The following LYVE1 variants were observed in gnomAD, a reference collection of about 807,000 sequenced individuals.
The protein encoded by LYVE1 is lymphatic vessel endothelial hyaluronan receptor 1.
LYVE1 carries 29 observed loss-of-function variants against 31.5 expected under a neutral mutation model. The observed-to-expected ratio is 0.92, with a 90% CI of 0.69 to 1.26. The LOEUF (loss-of-function observed/expected upper bound fraction) is 1.26. Ranked by LOEUF, LYVE1 falls within the 50% of genes most tolerant of loss-of-function variation. The pLI, the probability that LYVE1 is intolerant of heterozygous loss-of-function variation, is 0.00. For synonymous variants in LYVE1, 134 were observed against 139.4 expected, an observed-to-expected ratio of 0.96 and a Z score of 0.27; for missense variants, 376 against 380.2, an observed-to-expected ratio of 0.99 and a Z score of 0.09.
Position 10,557,615 on chromosome 11 carries a change from TGAAATGGATG to T in LYVE1, c.*1486_*1495del, listed in dbSNP as rs1294774177. 2.0e-5 allele frequency: 3 copies of T among 152,340 alleles called. No individual in the cohort carries two copies. In the South Asian group the frequency reaches 6.2e-4, roughly 32 times the overall value. 9.4% of individuals were successfully genotyped at this position (152,340 alleles called of 1,614,324 possible). ...GGATCTCTGGCTCCCTGGTGAATTC[TGAAATGGATG>T]GAAATGGAGGGCCAGCATCTCTAGT... On this transcript the variant is annotated 3_prime_UTR_variant, in exon 6 of 6. Transcript: ENST00000256178.
chr11:10,559,785 T>A (rs960163171), intron 5 of LYVE1, 31 bp downstream of exon 5: 1 of 1,596,458 alleles, frequency 6.3e-7, no homozygotes, highest in African/African-American at 1.3e-5. Flanking sequence ...TGACAAAGAT[T>A]ACAAGACTAG....
chr11:10,567,400 G>T (rs1045537418), intron 1 of LYVE1, among the ~76,000 whole-genome samples: 25 of 152,188 alleles, frequency 1.6e-4, no homozygotes, highest in Non-Finnish European at 3.5e-4. Context: ...TTGAATAATG[G>T]CAGCATTGTG....
chr11:10,560,601 CAATTTTTTTCTCCGTGG>C lies in LYVE1; in HGVS notation c.580_596del (p.Pro194AspfsTer11). The C allele has an allele frequency of 1.2e-6, 2 of 1,614,050 alleles. No individual in the cohort carries two copies. Among genetic ancestry groups the C allele is most frequent in the Non-Finnish European group, 1.7e-6 (2 of 1,179,986 alleles). On this transcript the variant is annotated frameshift_variant, in exon 4 of 6. Coordinates refer to ENST00000256178, the MANE Select transcript of LYVE1 (RefSeq NM_006691.4). LOFTEE classifies it high-confidence loss of function. ...CCATAAAAACTTCTGTGACACAAATCAATTTTTTTCTCCGTGGAATAGAAGTGGAAGCTGGAGCAGGA... is the reference window on the plus strand; with the variant it reads ...CCATAAAAACTTCTGTGACACAAATCAATAGAAGTGGAAGCTGGAGCAGGA...
intron 1 of LYVE1, among the ~76,000 whole-genome samples, 198 bp downstream of exon 1, chr11:10,568,250 C>G (rs1450165655): frequency 1.3e-5 from 2 of 152,160 alleles, no homozygotes; most frequent in Admixed American, 6.5e-5. Context: ...AGTAAAAGTC[C>G]AGATGATACA....
rs147714545 is a variant in LYVE1, at chr11:10,559,169, G to C, written c.911C>G (p.Pro304Arg). Residue 304 changes from proline to arginine, a missense_variant, in exon 6 of 6, where the codon CCA becomes CGA. Pro to Arg is a moderately radical substitution (Grantham distance 103). Coordinates refer to ENST00000256178, the MANE Select transcript of LYVE1 (RefSeq NM_006691.4). ...NEESKKTDKN[P>R]EESKSPSKTT... ...TTTGCTTGGACTCTTGGACTCTTCT[G>C]GGTTTTTATCAGTTTTCTTTGATTC... is the stretch of plus-strand genomic sequence containing the variant. 2.5e-4 allele frequency: 400 copies of C among 1,613,938 alleles called. No homozygotes were observed. The highest frequency in any genetic ancestry group is 3.0e-4 in the Non-Finnish European group (356 of 1,179,988).
At chr11:10,561,150 C>T (rs1404563574) in intron 3 of LYVE1, among the ~76,000 whole-genome samples, 1 of 152,190 alleles carries the variant, frequency 6.6e-6, no homozygotes, top group Non-Finnish European at 1.5e-5. Context: ...CTTTGCCTCT[C>T]TTTATTTAGC....
At chr11:10,566,318 C>T (rs1019976749) in intron 1 of LYVE1, among the ~76,000 whole-genome samples, 1 of 152,084 alleles carries the variant, frequency 6.6e-6, no homozygotes, top group African/African-American at 2.4e-5. Flanking sequence ...CCATGTTGGC[C>T]AGGCTGGTCT....
chr11:10,563,023 G>A (rs183306071), intron 3 of LYVE1, among the ~76,000 whole-genome samples: 4 of 120,516 alleles, frequency 3.3e-5, no homozygotes, highest in African/African-American at 1.2e-4. Flanking sequence ...GCATGATCTT[G>A]GCTCACTGCA....
intron 1 of LYVE1, among the ~76,000 whole-genome samples, chr11:10,566,141 G>A (rs1287045996): frequency 1.4e-5 from 2 of 147,180 alleles, no homozygotes; most frequent in African/African-American, 2.5e-5. Flanking sequence ...ACAGAGTCTC[G>A]TTCTGTCACC....
chr11:10,557,638 C>G lies in LYVE1; in HGVS notation c.*1473G>C, dbSNP rs1850340786. The G allele has an allele frequency of 6.6e-6, 1 of 152,198 alleles. No homozygotes were observed. The highest frequency in any genetic ancestry group is 1.5e-5 in the Non-Finnish European group (1 of 68,044). 9.4% of individuals were successfully genotyped at this position (152,198 alleles called of 1,614,324 possible). A position where few individuals can be genotyped will look rare whatever the true frequency, so the allele number is the denominator to read the frequency against. On this transcript the variant is annotated 3_prime_UTR_variant, in exon 6 of 6. Transcript: ENST00000256178. The stretch of plus-strand genomic sequence containing the variant: ...TCTGAAATGGATGGAAATGGAGGGC[C>G]AGCATCTCTAGTAAAGGACTGTTTA...
Position 10,560,920 on chromosome 11 carries a change from C to A in LYVE1, c.398-120G>T, listed in dbSNP as rs567900396. 3.1e-4 allele frequency: 237 copies of A among 753,428 alleles called. 1 individual carries two copies. The African/African-American group carries it at 3.8e-3, about 12-fold the overall frequency. 46.7% of individuals were successfully genotyped at this position (753,428 alleles called of 1,614,324 possible). A position where few individuals can be genotyped will look rare whatever the true frequency, so the allele number is the denominator to read the frequency against. ...CGCAGCTGGAATGGTCTTTAAAAAG[C>A]AAATCTAACCATATCACTTTCTTCC... On this transcript the variant is annotated intron_variant, in intron 3 of 5. Transcript: ENST00000256178.
In LYVE1 at chr11:10,559,288, C is replaced by T. The variant is rs752332574; in HGVS notation, c.792G>A (p.Lys264=). The T allele has an allele frequency of 2.4e-5, 38 of 1,612,822 alleles. No homozygotes were observed. The East Asian group carries it at 8.5e-4, about 36-fold the overall frequency. The change falls in exon 6 of 6, where the codon AAG becomes AAA. Residue 264 remains lysine (K), a synonymous_variant. Transcript: ENST00000256178. The part of the protein sequence containing the change: ...LGFCYVKRYV[K]AFPFTNKNQQ... ...GATTCTTGTTTGTAAAAGGGAAGGC[C>T]TTCACATACCTTTAGGCAGAAACAT...
rs562693326 is a variant in LYVE1, at chr11:10,567,723, G to A, written c.85+725C>T. Among the ~76,000 whole-genome samples, 6 of 152,234 alleles carry A rather than the reference G, an allele frequency of 3.9e-5. No individual in the cohort carries two copies. The East Asian group carries it at 5.8e-4, about 15-fold the overall frequency. Reference sequence around the variant, plus strand: ...CATTTAGGCATCTCAAAAGCCCAGCGATCACTTTAAGTCATTCCTTTAGTA... The same window carrying A: ...CATTTAGGCATCTCAAAAGCCCAGCAATCACTTTAAGTCATTCCTTTAGTA... On this transcript the variant is annotated intron_variant, in intron 1 of 5. Coordinates refer to ENST00000256178, the MANE Select transcript of LYVE1 (RefSeq NM_006691.4).
chr11:10,562,432 C>T (rs896055592), intron 3 of LYVE1, among the ~76,000 whole-genome samples: 1 of 152,232 alleles, frequency 6.6e-6, no homozygotes. Flanking sequence ...TGTGCCAAAG[C>T]CCTCTGGATC....
At chr11:10,560,855 C>A in intron 3 of LYVE1, 55 bp from the exon 4 acceptor site, 1 of 1,405,348 alleles carries the variant, frequency 7.1e-7, no homozygotes, top group Non-Finnish European at 9.9e-7. Flanking sequence ...CCTAACTGTT[C>A]TTCTTGCCTC....
At chr11:10,568,354 G>C (rs769387597) in intron 1 of LYVE1, 94 bp downstream of exon 1, 8 of 1,289,346 alleles carry the variant, frequency 6.2e-6, no homozygotes, top group Non-Finnish European at 8.7e-6. Context: ...TTGACACTGA[G>C]GGTCACCCTC....
rs1448655715 is a variant in LYVE1, at chr11:10,564,203, C to T, written c.257G>A (p.Ser86Asn). ...TALKASFETCSYGWVGDGFVV... is the reference protein window; with the variant it reads ...TALKASFETCNYGWVGDGFVV... Reference sequence around the variant, plus strand: ...GACAGTGAAACCAGCTTTTTCTCACCTGCAAGTTTCAAAGCTAGCTTTCAA... The same window carrying T: ...GACAGTGAAACCAGCTTTTTCTCACTTGCAAGTTTCAAAGCTAGCTTTCAA... Residue 86 changes from serine (S) to asparagine (N), a missense_variant and splice_region_variant, in exon 2 of 6, where the codon AGC (serine) becomes AAC (asparagine). Ser to Asn is a conservative substitution (Grantham distance 46). Coordinates refer to ENST00000256178, the MANE Select transcript of LYVE1 (RefSeq NM_006691.4). 6.2e-7 allele frequency: 1 copy of T among 1,613,894 alleles called. No homozygotes were observed. The highest frequency in any genetic ancestry group is 2.2e-5 in the East Asian group (1 of 44,880).
chr11:10,561,531 A>G (rs756970690), intron 3 of LYVE1, among the ~76,000 whole-genome samples: 44 of 152,220 alleles, frequency 2.9e-4, no homozygotes, highest in Non-Finnish European at 4.7e-4. Context: ...GGACCAGGAG[A>G]GGGATAAGGG....
chr11:10,559,493 C>A (rs1025712179), intron 5 of LYVE1, among the ~76,000 whole-genome samples, 196 bp from the exon 6 acceptor site: 11 of 152,102 alleles, frequency 7.2e-5, no homozygotes, highest in African/African-American at 2.4e-4. Flanking sequence ...TGTTTGCAGG[C>A]CAGACTTTAG....
Sources: allele counts gnomAD v4.1 joint callset (sites outside exome capture counted in the v4.1 genomes callset), GRCh38; gene constraint gnomAD v4.1.1; transcripts MANE v1.5; gene names NCBI Gene and HGNC (gene_info 2026-07-23, HGNC 2026-07-21).